Variants in CACNA1A observed in about 807,000 individuals in gnomAD.
The protein encoded by CACNA1A is voltage-dependent P/Q-type calcium channel subunit alpha-1A.
In CACNA1A, 57 loss-of-function variants were observed where a neutral mutation model predicts 262.4. That is an observed-to-expected ratio of 0.22 (90% CI 0.18 to 0.27). The LOEUF (loss-of-function observed/expected upper bound fraction) is 0.27. Among genes scored for constraint, CACNA1A ranks in the 10% least tolerant of loss-of-function variants. The pLI, the probability that CACNA1A is intolerant of heterozygous loss-of-function variation, is 1.00. For synonymous variants in CACNA1A, 1,431 were observed against 1,419.3 expected (o/e 1.01, Z -0.18); for missense variants, 2,526 against 3,562.8 (o/e 0.71, Z 7.41).
In CACNA1A at chr19:13,235,614, C is replaced by T; in HGVS notation, c.5067G>A (p.Lys1689=). The T allele has an allele frequency of 2.5e-6, 4 of 1,607,568 alleles. No individual in the cohort carries two copies. The Middle Eastern group carries it at 5.0e-4, about 200-fold the overall frequency. The change falls in exon 32 of 47, where the codon AAG becomes AAA. Residue 1689 remains lysine (K), a splice_region_variant and synonymous_variant. Coordinates refer to ENST00000360228, the MANE Select transcript of CACNA1A (RefSeq NM_001127222.2). ...ILLWTFVQSF[K]ALPYVCLLIA... ...GCCAGCAGCAGGGACGAGGACTCACCTTGAAGGACTGCACAAAGGTCCAGA... is the reference window on the plus strand; with the variant it reads ...GCCAGCAGCAGGGACGAGGACTCACTTTGAAGGACTGCACAAAGGTCCAGA...
intron 38 of CACNA1A, among the ~76,000 whole-genome samples, chr19:13,218,300 G>T (rs1407261324): frequency 6.6e-6 from 1 of 152,108 alleles, no homozygotes; most frequent in Non-Finnish European, 1.5e-5. Flanking sequence ...TATCGTTGGG[G>T]TCTTGGGCCA....
chr19:13,207,261 G>T lies in CACNA1A; in HGVS notation c.*52C>A, dbSNP rs1350956925. On this transcript the variant is annotated 3_prime_UTR_variant, in exon 47 of 47. Transcript: ENST00000360228. This position sits in a 1 kb window ranked among gnomAD's most constrained non-coding sequence, Gnocchi z 5.7. ...GGCCTCTGCGCGGCTCCTCGGGTGG[G>T]GTGTGTGCGTGGGGTGCGTGGGGGG... The T allele has an allele frequency of 5.4e-6, 8 of 1,483,956 alleles. No individual in the cohort carries two copies. Among genetic ancestry groups the T allele is most frequent in the African/African-American group, 4.4e-5 (3 of 68,212 alleles). 91.9% of individuals were successfully genotyped at this position (1,483,956 alleles called of 1,614,324 possible). A position where few individuals can be genotyped will look rare whatever the true frequency, so the allele number is the denominator to read the frequency against.
intron 3 of CACNA1A, among the ~76,000 whole-genome samples, chr19:13,383,210 T>C (rs1362908997): frequency 2.0e-5 from 3 of 152,124 alleles, no homozygotes; most frequent in Non-Finnish European, 4.4e-5. Flanking sequence ...GGAAAAGATA[T>C]AGTATGTCAG....
At chr19:13,234,190 A>T (rs985137220) in intron 34 of CACNA1A, among the ~76,000 whole-genome samples, 3 of 151,534 alleles carry the variant, frequency 2.0e-5, no homozygotes, top group Non-Finnish European at 4.4e-5. Context: ...TCTACTAAAA[A>T]TACAAAAAAA....
At position 13,238,054 on chromosome 19, in the gene CACNA1A, G is replaced by T. The variant is rs150477194; in HGVS notation, c.4951-2324C>A. On this transcript the variant is annotated intron_variant, in intron 31 of 46. Coordinates refer to ENST00000360228, the MANE Select transcript of CACNA1A (RefSeq NM_001127222.2). ...CATGCTTCCCTTCTTGGAGCCAAGT[G>T]GGGGAGGAGACACATGAGGCAGGTA... Among the ~76,000 whole-genome samples the T allele has an allele frequency of 1.2e-4, 18 of 152,290 alleles. No individual in the cohort carries two copies. In the South Asian group the frequency reaches 2.5e-3, roughly 21 times the overall value.
At chr19:13,330,375 T>G (rs964988506) in intron 9 of CACNA1A, 42 bp from the exon 10 acceptor site, 1 of 1,412,140 alleles carries the variant, frequency 7.1e-7, no homozygotes, top group Admixed American at 2.0e-5. Flanking sequence ...GACGTTACCC[T>G]TTTTGCAACA....
Position 13,292,045 on chromosome 19 carries a change from C to T in CACNA1A, c.3090-5079G>A, listed in dbSNP as rs370958432. Among the ~76,000 whole-genome samples, 4 of 152,260 alleles carry T rather than the reference C, an allele frequency of 2.6e-5. No individual in the cohort carries two copies. The East Asian group carries it at 5.8e-4, about 22-fold the overall frequency. On this transcript the variant is annotated intron_variant, in intron 19 of 46. Coordinates refer to ENST00000360228, the MANE Select transcript of CACNA1A (RefSeq NM_001127222.2). ...TCTTGGCAAAAGTTCCCTTTGCAAG[C>T]AGATAGGCCTGGGAGAAGGCACTGC...
At position 13,308,717 on chromosome 19, in the gene CACNA1A, C is replaced by T; in HGVS notation, c.1669-189G>A. ...ATAGAGACCGGGTCTCACTGTGTCACCCAGGCTGGAGTGCAGTGGCGCAAT... is the reference window on the plus strand; with the variant it reads ...ATAGAGACCGGGTCTCACTGTGTCATCCAGGCTGGAGTGCAGTGGCGCAAT... On this transcript the variant is annotated intron_variant, in intron 12 of 46. Transcript: ENST00000360228. This position sits in a 1 kb window ranked among gnomAD's most constrained non-coding sequence, Gnocchi z 4.2. 1.9e-6 allele frequency: 1 copy of T among 517,134 alleles called. No homozygotes were observed. Among genetic ancestry groups the T allele is most frequent in the Non-Finnish European group, 3.4e-6 (1 of 291,766 alleles). The allele number at this position is 517,134 out of a possible 1,614,324, so 32.0% of individuals were successfully genotyped here.
chr19:13,329,721 T>G (rs2058433984), intron 10 of CACNA1A, among the ~76,000 whole-genome samples: 1 of 151,520 alleles, frequency 6.6e-6, no homozygotes, highest in South Asian at 2.1e-4. Context: ...GATCCGCTCA[T>G]CTCAGCTTCC....
chr19:13,304,727 G>A (rs2057864712), intron 15 of CACNA1A, among the ~76,000 whole-genome samples: 1 of 150,388 alleles, frequency 6.6e-6, no homozygotes, highest in Non-Finnish European at 1.5e-5. Context: ...TGACATATGA[G>A]GACACAGCAA....
Position 13,212,298 on chromosome 19 carries a change from G to C in CACNA1A, c.6190-82C>G. ...GTGTCTGCAGAGGGAGGGAGCTGCA[G>C]GTGTGTGTGTGTGGGGGGCCCAGAT... On this transcript the variant is annotated intron_variant, in intron 42 of 46. Coordinates refer to ENST00000360228, the MANE Select transcript of CACNA1A (RefSeq NM_001127222.2). This position sits in a 1 kb window ranked among gnomAD's most constrained non-coding sequence, Gnocchi z 5.6. 6.4e-7 allele frequency: 1 copy of C among 1,563,328 alleles called. No individual in the cohort carries two copies.
At chr19:13,503,401 G>A (rs72999698) in intron 1 of CACNA1A, among the ~76,000 whole-genome samples, 1 of 151,832 alleles carries the variant, frequency 6.6e-6, no homozygotes, top group Non-Finnish European at 1.5e-5. Context: ...GTACTTGCCT[G>A]TACATATATT....
chr19:13,257,672 T>C (rs1027424922), intron 27 of CACNA1A, 121 bp from the exon 28 acceptor site: 1 of 528,238 alleles, frequency 1.9e-6, no homozygotes, highest in African/African-American at 1.9e-5. Flanking sequence ...CAGAGGGAAA[T>C]GAAAAAGAAA....
At chr19:13,358,703 C>T (rs2059050105) in intron 6 of CACNA1A, among the ~76,000 whole-genome samples, 1 of 152,146 alleles carries the variant, frequency 6.6e-6, no homozygotes, top group Admixed American at 6.5e-5. Flanking sequence ...AGAAACATCC[C>T]TAACATTTTT....
rs551870170 is a variant in CACNA1A, at chr19:13,480,346, A to G, written c.294-25134T>C. Among the ~76,000 whole-genome samples the G allele has an allele frequency of 1.4e-4, 21 of 152,342 alleles. 1 individual carries two copies. Among genetic ancestry groups the G allele is most frequent in the African/African-American group, 4.3e-4 (18 of 41,594 alleles). ...AATGATCCCTTTCCAATTAATGAAT[A>G]GTAAATATATTTTCTCTTCCTTATG... On this transcript the variant is annotated intron_variant, in intron 1 of 46. Transcript: ENST00000360228.
chr19:13,305,602 G>A (rs2057883081), intron 15 of CACNA1A, among the ~76,000 whole-genome samples: 1 of 152,182 alleles, frequency 6.6e-6, no homozygotes, highest in Non-Finnish European at 1.5e-5. Flanking sequence ...GTAGGATATT[G>A]AGCAGCATTC....
At chr19:13,412,687 G>A (rs571239599) in intron 3 of CACNA1A, among the ~76,000 whole-genome samples, 5 of 152,200 alleles carry the variant, frequency 3.3e-5, no homozygotes, top group African/African-American at 1.2e-4. Flanking sequence ...ATGTTGCCCA[G>A]GCTGGTCTCA....
At chr19:13,352,664 C>T (rs2058933948) in intron 6 of CACNA1A, among the ~76,000 whole-genome samples, 1 of 152,164 alleles carries the variant, frequency 6.6e-6, no homozygotes. Context: ...CACTGTTCTC[C>T]ATGCTGGGAA....
chr19:13,254,699 T>C (rs981372969), intron 29 of CACNA1A, among the ~76,000 whole-genome samples: 2 of 152,166 alleles, frequency 1.3e-5, no homozygotes, highest in African/African-American at 4.8e-5. Flanking sequence ...AGAGAGCTTC[T>C]TGTTCCGTCT....
Sources: gnomAD v4.1 joint callset for allele counts (sites outside exome capture counted in the v4.1 genomes callset) on GRCh38, gnomAD v4.1.1 for gene constraint, Gnocchi (gnomAD v3.1) non-coding constraint, MANE v1.5 for transcripts, NCBI Gene and HGNC (gene_info 2026-07-23, HGNC 2026-07-21) for gene names.